The following CPED1 variants were observed in gnomAD, a reference collection of about 807,000 sequenced individuals.
The protein encoded by CPED1 is cadherin like and PC-esterase domain containing 1, also known as cadherin-like and PC-esterase domain-containing protein 1.
In CPED1, 114 loss-of-function variants were observed where a neutral mutation model predicts 128.2. The observed-to-expected ratio is 0.89, with a 90% CI of 0.76 to 1.04. The LOEUF (loss-of-function observed/expected upper bound fraction) is 1.04, where lower values mean the gene tolerates loss of function less well. CPED1 is among the 50% of genes least tolerant of loss of function. The pLI is 0.00. For synonymous variants in CPED1, 462 were observed against 426.7 expected (o/e 1.08, Z -1.02); for missense variants, 1,211 against 1,207.1 (o/e 1.00, Z -0.05).
chr7:121,088,695 C>T (rs1378007168), intron 5 of CPED1, among the ~76,000 whole-genome samples: 1 of 142,136 alleles, frequency 7.0e-6, no homozygotes, highest in Admixed American at 7.5e-5. Context: ...AATGTAACGT[C>T]CTGGCTTAAA....
At chr7:121,260,085 G>A (rs773190133) in intron 18 of CPED1, among the ~76,000 whole-genome samples, 6 of 151,630 alleles carry the variant, frequency 4.0e-5, no homozygotes, top group Non-Finnish European at 7.4e-5. Context: ...AGGAAATGAT[G>A]ACTTACACAT....
chr7:121,015,014 T>C (rs1792262969), intron 2 of CPED1, among the ~76,000 whole-genome samples: 1 of 152,228 alleles, frequency 6.6e-6, no homozygotes, highest in African/African-American at 2.4e-5. Context: ...ATTTCCATTG[T>C]GAGAAAGAGG....
At chr7:121,275,122 G>C (rs1470415445) in intron 22 of CPED1, among the ~76,000 whole-genome samples, 1 of 152,082 alleles carries the variant, frequency 6.6e-6, no homozygotes, top group African/African-American at 2.4e-5. Flanking sequence ...ATTACAGTAA[G>C]ATATTGATGT....
intron 16 of CPED1, among the ~76,000 whole-genome samples, chr7:121,195,516 G>A (rs1231930170): frequency 6.6e-6 from 1 of 152,064 alleles, no homozygotes; most frequent in African/African-American, 2.4e-5. Context: ...GTTATGCTAG[G>A]TTGAGAATAT....
At chr7:121,109,864 C>T (rs1795064202) in intron 7 of CPED1, among the ~76,000 whole-genome samples, 1 of 152,076 alleles carries the variant, frequency 6.6e-6, no homozygotes, top group South Asian at 2.1e-4. Context: ...ATTTTCATGC[C>T]TTCAAGGAGT....
At chr7:121,073,028 A>G (rs1319263170) in intron 5 of CPED1, among the ~76,000 whole-genome samples, 1 of 152,148 alleles carries the variant, frequency 6.6e-6, no homozygotes, top group Non-Finnish European at 1.5e-5. Flanking sequence ...TGCAAGTGTT[A>G]GAAGCACTGA....
chr7:121,183,808 A>C (rs1037721481), intron 16 of CPED1, among the ~76,000 whole-genome samples: 1 of 152,188 alleles, frequency 6.6e-6, no homozygotes, highest in Non-Finnish European at 1.5e-5. Context: ...GAAAAGTATT[A>C]GACTGTTGAT....
In CPED1 at chr7:121,085,102, T is replaced by G. The variant is rs139508273; in HGVS notation, c.617-12597T>G. ...ACCGTTTACTCCACTTCTGCTGGAG[T>G]CCCCCATGGCCATCTGCTGCTGATG... On this transcript the variant is annotated intron_variant, in intron 5 of 22. Transcript: ENST00000310396. 1.3e-4 allele frequency among the ~76,000 whole-genome samples: 20 copies of G among 152,232 alleles called. No individual in the cohort carries two copies. In the East Asian group the frequency reaches 3.3e-3, roughly 25 times the overall value.
chr7:121,280,312 G>A (rs1792436054), intron 22 of CPED1, among the ~76,000 whole-genome samples: 1 of 152,200 alleles, frequency 6.6e-6, no homozygotes, highest in African/African-American at 2.4e-5. Context: ...CTGGGGAACT[G>A]CATGAGACTG....
At chr7:120,997,599 G>A (rs1235983789) in intron 2 of CPED1, among the ~76,000 whole-genome samples, 1 of 152,150 alleles carries the variant, frequency 6.6e-6, no homozygotes, top group African/African-American at 2.4e-5. Context: ...GAGTAAGGTG[G>A]CCCCTAATCC....
intron 12 of CPED1, among the ~76,000 whole-genome samples, chr7:121,133,408 G>GT (rs1323019051): frequency 6.6e-6 from 1 of 152,060 alleles, no homozygotes; most frequent in Non-Finnish European, 1.5e-5. Flanking sequence ...TTTCTGCATG[G>GT]TATACTTATT....
At chr7:121,285,887 C>T (rs1341943056) in intron 22 of CPED1, among the ~76,000 whole-genome samples, 4 of 152,198 alleles carry the variant, frequency 2.6e-5, no homozygotes, top group Non-Finnish European at 5.9e-5. Context: ...TCCAAGGTCA[C>T]TTTCACATTT....
chr7:121,169,979 C>T (rs924223767), intron 16 of CPED1, among the ~76,000 whole-genome samples: 1 of 152,176 alleles, frequency 6.6e-6, no homozygotes, highest in Non-Finnish European at 1.5e-5. Context: ...ACACTTAACA[C>T]TTCCTTACAC....
In CPED1 at chr7:120,994,657, G is replaced by GTTGTTGT. The variant is rs1554418493; in HGVS notation, c.249+4788_249+4789insTGTTGTT. On this transcript the variant is annotated intron_variant, in intron 2 of 22. Coordinates refer to ENST00000310396, the MANE Select transcript of CPED1 (RefSeq NM_024913.5). The stretch of plus-strand genomic sequence containing the variant: ...TGTGTGTGTGTGTGTGTGTGTGTGT[G>GTTGTTGT]TGTTGTTGTTGTTGTTACTGATGGA... 4.6e-3 allele frequency among the ~76,000 whole-genome samples: 691 copies of GTTGTTGT among 149,294 alleles called. 5 individuals are homozygous for GTTGTTGT. The highest frequency in any genetic ancestry group is 0.012 in the African/African-American group (464 of 40,262).
At chr7:121,211,032 T>C (rs940058479) in intron 16 of CPED1, among the ~76,000 whole-genome samples, 3 of 152,102 alleles carry the variant, frequency 2.0e-5, no homozygotes, top group African/African-American at 7.2e-5. Context: ...TTTTATACTT[T>C]GCTAACTTCC....
chr7:121,025,048 T>C (rs1189025826), intron 3 of CPED1, among the ~76,000 whole-genome samples: 1 of 152,174 alleles, frequency 6.6e-6, no homozygotes, highest in Non-Finnish European at 1.5e-5. Context: ...TGTACAACTT[T>C]TACTTTCTAC....
At chr7:121,087,681 GGC>G (rs1794466354) in intron 5 of CPED1, among the ~76,000 whole-genome samples, 1 of 27,944 alleles carries the variant, frequency 3.6e-5, no homozygotes, top group Non-Finnish European at 7.8e-5. Context: ...TTTTTTTTTT[GGC>G]AGAGTCTTTC....
At chr7:121,211,226 A>G (rs1036144088) in intron 16 of CPED1, among the ~76,000 whole-genome samples, 1 of 152,052 alleles carries the variant, frequency 6.6e-6, no homozygotes, top group Admixed American at 6.6e-5. Flanking sequence ...ATCTTCCTAG[A>G]TAGTATTTTT....
chr7:121,194,489 T>C (rs1444555819), intron 16 of CPED1, among the ~76,000 whole-genome samples: 1 of 152,112 alleles, frequency 6.6e-6, no homozygotes, highest in Non-Finnish European at 1.5e-5. Flanking sequence ...AAGCAGAGCA[T>C]ATATGATCTC....
Sources: allele counts gnomAD v4.1 joint callset (sites outside exome capture counted in the v4.1 genomes callset), GRCh38; gene constraint gnomAD v4.1.1; transcripts MANE v1.5; gene names NCBI Gene and HGNC (gene_info 2026-07-23, HGNC 2026-07-21).